Variants in PDE4D observed in about 807,000 individuals in gnomAD.
PDE4D encodes phosphodiesterase 4D, also known as 3',5'-cyclic-AMP phosphodiesterase 4D.
Under a neutral mutation model 87.4 loss-of-function variants are expected in PDE4D, and 24 were observed. The observed-to-expected ratio is 0.27, with a 90% CI of 0.20 to 0.39. PDE4D has a LOEUF of 0.39. Among genes scored for constraint, PDE4D ranks in the 10% least tolerant of loss-of-function variants. PDE4D has a pLI of 1.00. For missense variants in PDE4D, 714 were observed against 1,041.0 expected, an observed-to-expected ratio of 0.69 and a Z score of 4.32; for synonymous variants, 384 against 383.2, an observed-to-expected ratio of 1.00 and a Z score of -0.02.
chr5:60,050,680 TAAC>T (rs1319773858), intron 2 of PDE4D, among the ~76,000 whole-genome samples: 7 of 152,114 alleles, frequency 4.6e-5, no homozygotes, highest in Non-Finnish European at 8.8e-5. Flanking sequence ...AATTCACACA[TAAC>T]AATATTAACT....
chr5:59,650,360 T>C (rs1041060012), intron 1 of PDE4D, among the ~76,000 whole-genome samples: 2 of 152,190 alleles, frequency 1.3e-5, no homozygotes, highest in Non-Finnish European at 2.9e-5. Context: ...TTCTGTTGAT[T>C]GATGCAAATT....
Position 59,616,034 on chromosome 5 carries a change from A to G in PDE4D, c.455+277134T>C, listed in dbSNP as rs159405. The stretch of plus-strand genomic sequence containing the variant: ...TGCACAATGTGCAGGTTAGTTACAT[A>G]TGTATACATGTGCCATGTTGGTGTG... On this transcript the variant is annotated intron_variant, in intron 1 of 14. Coordinates refer to ENST00000340635, the MANE Select transcript of PDE4D (RefSeq NM_001104631.2). 1.1e-3 allele frequency among the ~76,000 whole-genome samples: 170 copies of G among 151,826 alleles called. 3 individuals carry two copies. The East Asian group carries it at 0.028, about 25-fold the overall frequency.
chr5:59,495,795 T>G (rs905830945), intron 1 of PDE4D, among the ~76,000 whole-genome samples: 6 of 152,134 alleles, frequency 3.9e-5, no homozygotes, highest in African/African-American at 1.4e-4. Context: ...GCTTCTTCAG[T>G]GCCCTGCTGC....
chr5:59,665,100 C>T (rs1466322654), intron 1 of PDE4D, among the ~76,000 whole-genome samples: 4 of 152,200 alleles, frequency 2.6e-5, no homozygotes. Flanking sequence ...TGCAATGTCT[C>T]CAGTCAGACA....
chr5:59,109,003 G>GTGTGTGTGTGT (rs1554071100), intron 5 of PDE4D, among the ~76,000 whole-genome samples: 1 of 140,656 alleles, frequency 7.1e-6, no homozygotes, highest in African/African-American at 2.7e-5. Flanking sequence ...GTGTGTGTGT[G>GTGTGTGTGTGT]GTGTAGGCCT....
At chr5:59,442,809 T>G (rs1293320753) in intron 1 of PDE4D, among the ~76,000 whole-genome samples, 4 of 152,172 alleles carry the variant, frequency 2.6e-5, no homozygotes, top group Non-Finnish European at 5.9e-5. Context: ...CCACACCCAA[T>G]TGCCATAGAA....
chr5:59,199,924 A>G (rs1055496187), intron 2 of PDE4D, among the ~76,000 whole-genome samples: 1 of 151,888 alleles, frequency 6.6e-6, no homozygotes, highest in Non-Finnish European at 1.5e-5. Context: ...ATATATACAC[A>G]CAGGCACATA....
At chr5:59,727,580 A>G (rs1363610773) in intron 1 of PDE4D, among the ~76,000 whole-genome samples, 2 of 152,128 alleles carry the variant, frequency 1.3e-5, no homozygotes, top group African/African-American at 4.8e-5. Context: ...AAGGGGAAAT[A>G]AGTGAGAATG....
rs149904853 is a variant in PDE4D at position 59,340,014 on chromosome 5, C to A, written c.456-124046G>T. The stretch of plus-strand genomic sequence containing the variant: ...GTTGCTTTACAGGAATGTGTTCAGT[C>A]TTCTCACCCTCTCTGGAATCTCATT... On this transcript the variant is annotated intron_variant, in intron 1 of 14. Coordinates refer to ENST00000340635, the MANE Select transcript of PDE4D (RefSeq NM_001104631.2). Among the ~76,000 whole-genome samples, 52 of 150,354 alleles carry A rather than the reference C, an allele frequency of 3.5e-4. No individual in the cohort carries two copies. In the East Asian group the frequency reaches 9.9e-3, roughly 29 times the overall value.
intron 1 of PDE4D, among the ~76,000 whole-genome samples, chr5:59,830,811 G>T (rs1445065415): frequency 6.6e-6 from 1 of 152,040 alleles, no homozygotes; most frequent in South Asian, 2.1e-4. Flanking sequence ...TTTTAATTGG[G>T]TTCAAGTTTC....
At chr5:60,105,254 G>C (rs905316667) in intron 2 of PDE4D, among the ~76,000 whole-genome samples, 1 of 152,196 alleles carries the variant, frequency 6.6e-6, no homozygotes, top group Non-Finnish European at 1.5e-5. Context: ...CTGGAAGAAA[G>C]GGTATCAGTG....
chr5:60,104,043 G>A (rs189557239), intron 2 of PDE4D, among the ~76,000 whole-genome samples: 203 of 151,604 alleles, frequency 1.3e-3, no homozygotes, highest in African/African-American at 4.6e-3. Flanking sequence ...TGTGCGAGCC[G>A]AAGCAGGGCG....
In PDE4D at chr5:59,740,371, A is replaced by G. The variant is rs745417403; in HGVS notation, c.455+152797T>C. On this transcript the variant is annotated intron_variant, in intron 1 of 14. Transcript: ENST00000340635. ...TTTTTCTTGCTGGTATTTTTGTTCT[A>G]AAAGGGAAAAGAGTGTGGAAAAGGA... is the stretch of plus-strand genomic sequence containing the variant. Among the ~76,000 whole-genome samples, 4 of 152,224 alleles carry G rather than the reference A, an allele frequency of 2.6e-5. No homozygotes were observed. In the East Asian group the frequency reaches 5.8e-4, roughly 22 times the overall value.
At chr5:59,720,398 C>T (rs1755659958) in intron 1 of PDE4D, among the ~76,000 whole-genome samples, 1 of 152,148 alleles carries the variant, frequency 6.6e-6, no homozygotes, top group South Asian at 2.1e-4. Flanking sequence ...CCTGCCTTAG[C>T]TTCCCAAAGT....
At chr5:59,964,647 C>G (rs1217795541) in intron 3 of PDE4D, among the ~76,000 whole-genome samples, 1 of 152,120 alleles carries the variant, frequency 6.6e-6, no homozygotes, top group Non-Finnish European at 1.5e-5. Context: ...CTCCCCACTC[C>G]CTCTACTCTA....
intron 1 of PDE4D, among the ~76,000 whole-genome samples, chr5:59,498,618 C>T (rs1807666466): frequency 1.3e-5 from 2 of 151,594 alleles, no homozygotes; most frequent in South Asian, 2.1e-4. Context: ...AAAAAAAGAA[C>T]AAGGATCACT....
At position 58,975,237 on chromosome 5, in the gene PDE4D, T is replaced by TTAAAG. The variant is rs1263995519; in HGVS notation, c.2014-162_2014-158dup. Among the ~76,000 whole-genome samples, 7 of 152,128 alleles carry TTAAAG rather than the reference T, an allele frequency of 4.6e-5. No homozygotes were observed. Among genetic ancestry groups the TTAAAG allele is most frequent in the African/African-American group, 7.2e-5 (3 of 41,430 alleles). On this transcript the variant is annotated intron_variant, in intron 14 of 14. Coordinates refer to ENST00000340635, the MANE Select transcript of PDE4D (RefSeq NM_001104631.2). The surrounding 1 kb of genome is among the most constrained non-coding windows in gnomAD (Gnocchi z 4.2). ...ACTATTTTCAACAACAACAGACCAT[T>TTAAAG]TAAAGTAAAGTATTGCTACTAGCTG... is the stretch of plus-strand genomic sequence containing the variant.
At chr5:60,288,019 C>A (rs894582788) in intron 1 of PDE4D, among the ~76,000 whole-genome samples, 2 of 152,174 alleles carry the variant, frequency 1.3e-5, no homozygotes, top group African/African-American at 4.8e-5. Context: ...ATTGATTTAA[C>A]TAAATCATAT....
At chr5:59,190,979 T>C (rs1188808345) in intron 3 of PDE4D, among the ~76,000 whole-genome samples, 1 of 152,206 alleles carries the variant, frequency 6.6e-6, no homozygotes, top group Non-Finnish European at 1.5e-5. Flanking sequence ...CAAGGTGTTA[T>C]GAGTCACTTA....
Sources: gnomAD v4.1 joint callset for allele counts (sites outside exome capture counted in the v4.1 genomes callset) on GRCh38, gnomAD v4.1.1 for gene constraint, Gnocchi (gnomAD v3.1) non-coding constraint, MANE v1.5 for transcripts, NCBI Gene and HGNC (gene_info 2026-07-23, HGNC 2026-07-21) for gene names.